The following PPM1E variants were observed in gnomAD, a reference collection of about 807,000 sequenced individuals.
PPM1E encodes the protein protein phosphatase, Mg2+/Mn2+ dependent 1E.
A neutral mutation model predicts 65.9 loss-of-function variants in PPM1E; 20 were observed. That is an observed-to-expected ratio of 0.30 (90% CI 0.21 to 0.44). The LOEUF is 0.44. Ranked by LOEUF, PPM1E falls within the 20% of genes least tolerant of loss-of-function variation. The pLI is 1.00. For missense variants in PPM1E, 713 were observed against 953.1 expected, an observed-to-expected ratio of 0.75 and a Z score of 3.32; for synonymous variants, 352 against 374.9, an observed-to-expected ratio of 0.94 and a Z score of 0.70.
intron 1 of PPM1E, among the ~76,000 whole-genome samples, chr17:58,860,238 GC>G (rs2050924772): frequency 6.6e-6 from 1 of 152,142 alleles, no homozygotes; most frequent in African/African-American, 2.4e-5. Context: ...TAGACCTTGT[GC>G]CCAGGCATAA....
At chr17:58,760,651 G>T (rs1798572157) in intron 1 of PPM1E, among the ~76,000 whole-genome samples, 1 of 151,970 alleles carries the variant, frequency 6.6e-6, no homozygotes, top group South Asian at 2.1e-4. Flanking sequence ...TAAGGTTAAG[G>T]GCACAGTCTT....
chr17:58,836,646 G>A (rs2050659738), intron 1 of PPM1E, among the ~76,000 whole-genome samples: 1 of 150,626 alleles, frequency 6.6e-6, no homozygotes, highest in Non-Finnish European at 1.5e-5. Context: ...TGTATTTTTA[G>A]TAGAGACGGG....
At chr17:58,798,392 T>A (rs1009478205) in intron 1 of PPM1E, among the ~76,000 whole-genome samples, 1 of 151,440 alleles carries the variant, frequency 6.6e-6, no homozygotes, top group Non-Finnish European at 1.5e-5. Context: ...CCACGCCTAA[T>A]TTTTTTATTT....
chr17:58,839,599 A>G (rs1845702799), intron 1 of PPM1E, among the ~76,000 whole-genome samples: 1 of 152,232 alleles, frequency 6.6e-6, no homozygotes, highest in Non-Finnish European at 1.5e-5. Flanking sequence ...CTATACTTGT[A>G]TACTAACATT....
At chr17:58,775,129 G>A (rs1313669153) in intron 1 of PPM1E, among the ~76,000 whole-genome samples, 2 of 152,172 alleles carry the variant, frequency 1.3e-5, no homozygotes, top group African/African-American at 2.4e-5. Flanking sequence ...GGAATTACAG[G>A]TGTGATAAAA....
At chr17:58,811,508 A>G (rs555039057) in intron 1 of PPM1E, among the ~76,000 whole-genome samples, 2 of 152,246 alleles carry the variant, frequency 1.3e-5, no homozygotes, top group South Asian at 2.1e-4. Flanking sequence ...GCATTGCGCA[A>G]TCTGAACAGA....
intron 1 of PPM1E, among the ~76,000 whole-genome samples, chr17:58,908,994 T>C (rs559877397): frequency 6.6e-6 from 1 of 152,294 alleles, no homozygotes; most frequent in Admixed American, 6.5e-5. Context: ...ATCAAATGTA[T>C]TGTTGCCATT....
chr17:58,851,163 G>C (rs1225545790), intron 1 of PPM1E, among the ~76,000 whole-genome samples: 1 of 152,108 alleles, frequency 6.6e-6, no homozygotes, highest in Non-Finnish European at 1.5e-5. Context: ...GTTTATTCTA[G>C]TTAGCCGTTC....
intron 1 of PPM1E, among the ~76,000 whole-genome samples, chr17:58,922,164 G>A (rs1222525427): frequency 6.6e-6 from 1 of 151,416 alleles, no homozygotes; most frequent in African/African-American, 2.4e-5. Context: ...GGAGAGGGAG[G>A]GAGAAGAGTT....
At chr17:58,794,298 T>G (rs2050185766) in intron 1 of PPM1E, among the ~76,000 whole-genome samples, 1 of 151,892 alleles carries the variant, frequency 6.6e-6, no homozygotes, top group Non-Finnish European at 1.5e-5. Context: ...CAGGCTGGTC[T>G]CAAACTCCTG....
chr17:58,758,676 A>G (rs747825606), intron 1 of PPM1E, among the ~76,000 whole-genome samples: 6 of 152,186 alleles, frequency 3.9e-5, no homozygotes, highest in Admixed American at 2.6e-4. Flanking sequence ...TAAATCAGAG[A>G]TTTCATCATT....
intron 1 of PPM1E, among the ~76,000 whole-genome samples, chr17:58,907,596 C>G (rs1567871541): frequency 1.3e-5 from 2 of 152,176 alleles, no homozygotes; most frequent in Admixed American, 6.6e-5. Flanking sequence ...GTTGAAGTCT[C>G]CAACTATAGT....
chr17:58,939,015 G>A (rs979758753), intron 1 of PPM1E, among the ~76,000 whole-genome samples: 3 of 151,566 alleles, frequency 2.0e-5, no homozygotes, highest in Non-Finnish European at 2.9e-5. Context: ...CTCGAACTCC[G>A]GACCTCAGGT....
intron 1 of PPM1E, among the ~76,000 whole-genome samples, chr17:58,764,468 G>A (rs2049853804): frequency 6.6e-6 from 1 of 152,100 alleles, no homozygotes. Context: ...TTGGGAGCCA[G>A]CCTGTTGCCC....
chr17:58,964,899 G>A (rs2030171768), intron 2 of PPM1E, among the ~76,000 whole-genome samples: 1 of 151,996 alleles, frequency 6.6e-6, no homozygotes, highest in Admixed American at 6.5e-5. Context: ...CAAAAAATTA[G>A]CCAGGCATGA....
intron 1 of PPM1E, among the ~76,000 whole-genome samples, chr17:58,833,688 C>T (rs970022273): frequency 3.3e-5 from 5 of 152,112 alleles, no homozygotes; most frequent in Non-Finnish European, 5.9e-5. Context: ...CTGCAGTGAA[C>T]ATGCGAGTGC....
chr17:58,911,574 T>G (rs768834294), intron 1 of PPM1E, among the ~76,000 whole-genome samples: 6 of 152,172 alleles, frequency 3.9e-5, no homozygotes, highest in Non-Finnish European at 8.8e-5. Flanking sequence ...AAGAATAATA[T>G]CTAAAATTGT....
intron 1 of PPM1E, among the ~76,000 whole-genome samples, chr17:58,917,007 T>C (rs1222713568): frequency 6.6e-6 from 1 of 151,928 alleles, no homozygotes; most frequent in Admixed American, 6.6e-5. Flanking sequence ...GCCAGGAGTG[T>C]GAGACCAGCC....
At chr17:58,969,366 A>G (rs771638178) in intron 3 of PPM1E, 173 bp from the exon 4 acceptor site, 12 of 721,320 alleles carry the variant, frequency 1.7e-5, no homozygotes, top group Non-Finnish European at 2.5e-5. Flanking sequence ...CTAATATTGC[A>G]GGTATTTCAG....
Sources: allele counts gnomAD v4.1 joint callset (sites outside exome capture counted in the v4.1 genomes callset), GRCh38; gene constraint gnomAD v4.1.1; transcripts MANE v1.5; gene names NCBI Gene and HGNC (gene_info 2026-07-23, HGNC 2026-07-21).